The following MELTF variants were observed in gnomAD, a reference collection of about 807,000 sequenced individuals.
MELTF encodes the protein melanotransferrin.
Under a neutral mutation model 83.7 loss-of-function variants are expected in MELTF, and 67 were observed. The observed-to-expected ratio is 0.80, with a 90% CI of 0.66 to 0.98. The LOEUF is 0.98. Ranked by LOEUF, MELTF falls within the 50% of genes least tolerant of loss-of-function variation. MELTF has a pLI of 0.00. For missense variants in MELTF, 1,002 were observed against 1,035.6 expected (o/e 0.97, Z 0.44); for synonymous variants, 462 against 447.6 (o/e 1.03, Z -0.41).
Position 197,029,560 on chromosome 3 carries a change from G to T in MELTF, c.49+94C>A. 9.4e-7 allele frequency: 1 copy of T among 1,065,592 alleles called. No homozygotes were observed. Among genetic ancestry groups the T allele is most frequent in the South Asian group, 4.6e-5 (1 of 21,682 alleles). 66.0% of individuals were successfully genotyped at this position (1,065,592 alleles called of 1,614,324 possible). A position where few individuals can be genotyped will look rare whatever the true frequency, so the allele number is the denominator to read the frequency against. On this transcript the variant is annotated intron_variant, in intron 1 of 15. Transcript: ENST00000296350. This position sits in a 1 kb window ranked among gnomAD's most constrained non-coding sequence, Gnocchi z 6.5. Reference sequence around the variant, plus strand: ...CCCGTCTCACTGCCCCGGAGCCGCAGGCTCAGGCACATTTCCAGCCCCGGG... The same window carrying T: ...CCCGTCTCACTGCCCCGGAGCCGCATGCTCAGGCACATTTCCAGCCCCGGG...
chr3:197,027,750 A>T lies in MELTF; in HGVS notation c.204+6T>A, dbSNP rs767533620. On this transcript the variant is annotated splice_donor_region_variant and intron_variant, in intron 2 of 15. Transcript: ENST00000296350. ...TGTCTGGCAGGGTGGAAGGGAGAGG[A>T]CTCACCGCGATGAGCTGGACGCAGT... 1 of 1,603,012 alleles carries T rather than the reference A, an allele frequency of 6.2e-7. No individual in the cohort carries two copies. Among genetic ancestry groups the T allele is most frequent in the Non-Finnish European group, 8.5e-7 (1 of 1,173,488 alleles).
At chr3:197,014,417 C>A (rs1051945449) in intron 9 of MELTF, among the ~76,000 whole-genome samples, 2 of 118,830 alleles carry the variant, frequency 1.7e-5, no homozygotes, top group South Asian at 2.9e-4. Flanking sequence ...GAGACAGTCT[C>A]TCTCTTGTCG....
In MELTF at chr3:197,022,145, C is replaced by G. The variant is rs1719648341; in HGVS notation, c.645-674G>C. ...TGACTTTTACACGATCTGCTGATGT[C>G]ACTGCCCAGTGTTGGAGGCAGGTCA... On this transcript the variant is annotated intron_variant, in intron 5 of 15. Coordinates refer to ENST00000296350, the MANE Select transcript of MELTF (RefSeq NM_005929.6). The surrounding 1 kb of genome is among the most constrained non-coding windows in gnomAD (Gnocchi z 5.1). Among the ~76,000 whole-genome samples, 1 of 152,206 alleles carries G rather than the reference C, an allele frequency of 6.6e-6. No individual in the cohort carries two copies. The highest frequency in any genetic ancestry group is 1.5e-5 in the Non-Finnish European group (1 of 68,036).
chr3:197,010,177 G>C lies in MELTF; in HGVS notation c.1331-365C>G, dbSNP rs1019368726. On this transcript the variant is annotated intron_variant, in intron 10 of 15. Transcript: ENST00000296350. ...AGCATTTTCCTACAGCCCAGAGATTGCTCACACCCAGGTGGAAGGGACCCA... is the reference window on the plus strand; with the variant it reads ...AGCATTTTCCTACAGCCCAGAGATTCCTCACACCCAGGTGGAAGGGACCCA... Among the ~76,000 whole-genome samples, 78 of 152,258 alleles carry C rather than the reference G, an allele frequency of 5.1e-4. 1 individual carries two copies. The highest frequency in any genetic ancestry group is 1.9e-3 in the African/African-American group (78 of 41,478).
At position 197,010,707 on chromosome 3, in the gene MELTF, G is replaced by A; in HGVS notation, c.1321C>T (p.His441Tyr). 1.9e-6 allele frequency: 3 copies of A among 1,612,946 alleles called. No homozygotes were observed. Among genetic ancestry groups the A allele is most frequent in the Non-Finnish European group, 1.7e-6 (2 of 1,179,784 alleles). ...TYGLVPAAGE[H>Y]YAPEDSSNSY... is the part of the protein sequence containing the mutation. ...CAGGCCCTGCACTCACGGGCATAGT[G>A]CTCCCCGGCTGCGGGAACCAGGCCG... The change falls in exon 10 of 16, where the codon CAC becomes TAC. Residue 441 changes from histidine to tyrosine, a missense_variant. Transcript: ENST00000296350.
chr3:197,020,829 C>T (rs1256403131), intron 6 of MELTF, among the ~76,000 whole-genome samples: 4 of 152,194 alleles, frequency 2.6e-5, no homozygotes, highest in South Asian at 2.1e-4. Context: ...CCACCACGCT[C>T]GGCTAGTTTT....
intron 8 of MELTF, 106 bp from the exon 9 acceptor site, chr3:197,015,622 G>T: frequency 1.6e-6 from 2 of 1,266,550 alleles, no homozygotes; most frequent in South Asian, 1.5e-5. Flanking sequence ...CAGGTGTGTG[G>T]CTGGGATAAG....
At chr3:197,019,717 A>G in intron 6 of MELTF, 7 of 1,613,792 alleles carry the variant, frequency 4.3e-6, no homozygotes, top group Non-Finnish European at 5.1e-6. Flanking sequence ...ACTAGAGCGC[A>G]TCGTCCTACG....
In MELTF at chr3:197,022,943, C is replaced by G. The variant is rs781435589; in HGVS notation, c.644+14G>C. ...TCCCTGCCCTCGGCCCCTCCCTGCC[C>G]CCACTCCGCTCACCGGAAGGCCCCG... is the stretch of plus-strand genomic sequence containing the variant. On this transcript the variant is annotated intron_variant, in intron 5 of 15. Transcript: ENST00000296350. The surrounding 1 kb of genome is among the most constrained non-coding windows in gnomAD (Gnocchi z 5.1). The G allele has an allele frequency of 6.2e-7, 1 of 1,600,338 alleles. No homozygotes were observed. The highest frequency in any genetic ancestry group is 8.5e-7 in the Non-Finnish European group (1 of 1,174,210).
At chr3:197,017,606 G>GCA (rs1719434512) in intron 6 of MELTF, among the ~76,000 whole-genome samples, 8 of 152,224 alleles carry the variant, frequency 5.3e-5, no homozygotes, top group Non-Finnish European at 8.8e-5. Flanking sequence ...GGCCGGGCGT[G>GCA]GTGGCTCACG....
In MELTF at chr3:197,011,027, G is replaced by A. The variant is rs996825797; in HGVS notation, c.1234-233C>T. Among the ~76,000 whole-genome samples the A allele has an allele frequency of 6.6e-6, 1 of 152,150 alleles. No individual in the cohort carries two copies. Among genetic ancestry groups the A allele is most frequent in the Non-Finnish European group, 1.5e-5 (1 of 68,012 alleles). On this transcript the variant is annotated intron_variant, in intron 9 of 15. Transcript: ENST00000296350. The surrounding 1 kb of genome is among the most constrained non-coding windows in gnomAD (Gnocchi z 4.2). ...AGGACCAAGGGGCAGAAACACCCACGCAGCACTCCTGCGCGTGGCCACCCA... is the reference window on the plus strand; with the variant it reads ...AGGACCAAGGGGCAGAAACACCCACACAGCACTCCTGCGCGTGGCCACCCA...
rs865950809 is a variant in MELTF, at chr3:197,022,934, C to T, written c.644+23G>A. The T allele has an allele frequency of 1.3e-6, 2 of 1,589,884 alleles. No homozygotes were observed. The highest frequency in any genetic ancestry group is 2.0e-4 in the Middle Eastern group (1 of 5,102). On this transcript the variant is annotated intron_variant, in intron 5 of 15. Transcript: ENST00000296350. This position sits in a 1 kb window ranked among gnomAD's most constrained non-coding sequence, Gnocchi z 5.1. ...CTCAGCTCCTCCCTGCCCTCGGCCC[C>T]TCCCTGCCCCCACTCCGCTCACCGG...
Position 197,009,728 on chromosome 3 carries a change from C to A in MELTF, c.1415G>T (p.Gly472Val). Reference sequence around the variant, plus strand: ...GAAACCGGCGTGGCAGGAGCGCTTGCCCCGAAGCTCATCCAAGGTGAAGGC... The same window carrying A: ...GAAACCGGCGTGGCAGGAGCGCTTGACCCGAAGCTCATCCAAGGTGAAGGC... ...SHAFTLDELR[G>V]KRSCHAGFGS... is the part of the protein sequence containing the mutation. The change falls in exon 11 of 16, where the codon GGC (glycine) becomes GTC (valine). Residue 472 changes from glycine to valine, a missense_variant. Gly to Val is a moderately radical substitution (Grantham distance 109). Coordinates refer to ENST00000296350, the MANE Select transcript of MELTF (RefSeq NM_005929.6). 2 of 1,613,642 alleles carry A rather than the reference C, an allele frequency of 1.2e-6. No individual in the cohort carries two copies. Among genetic ancestry groups the A allele is most frequent in the Non-Finnish European group, 1.7e-6 (2 of 1,180,030 alleles).
At chr3:197,026,285 T>C in intron 3 of MELTF, 1 of 208,974 alleles carries the variant, frequency 4.8e-6, no homozygotes, top group East Asian at 1.1e-4. Flanking sequence ...GAGCCGGGCT[T>C]CTGAAGGGAG....
intron 2 of MELTF, 91 bp downstream of exon 2, chr3:197,027,665 G>T: frequency 6.9e-7 from 1 of 1,440,106 alleles, no homozygotes; most frequent in Non-Finnish European, 9.4e-7. Flanking sequence ...GCAGGGCGAG[G>T]TCGGCTCCTT....
chr3:197,019,952 GC>G, intron 6 of MELTF: 1 of 1,168,366 alleles, frequency 8.6e-7, no homozygotes, highest in East Asian at 2.6e-5. Context: ...ACTAGCAGGG[GC>G]CTGAGGAACT....
In MELTF at chr3:197,022,787, G is replaced by A. The variant is rs746594182; in HGVS notation, c.644+170C>T. On this transcript the variant is annotated intron_variant, in intron 5 of 15. Coordinates refer to ENST00000296350, the MANE Select transcript of MELTF (RefSeq NM_005929.6). This position sits in a 1 kb window ranked among gnomAD's most constrained non-coding sequence, Gnocchi z 5.1. ...CCGGTTTGGCATATTCCAGCTGGAT[G>A]TTTTTAAACTAACCAGGGCACAGAA... Among the ~76,000 whole-genome samples, 13 of 152,232 alleles carry A rather than the reference G, an allele frequency of 8.5e-5. No homozygotes were observed. The highest frequency in any genetic ancestry group is 2.0e-4 in the Admixed American group (3 of 15,284).
Position 197,029,539 on chromosome 3 carries a change from T to C in MELTF, c.49+115A>G. 1.2e-6 allele frequency: 1 copy of C among 844,476 alleles called. No homozygotes were observed. The allele number at this position is 844,476 out of a possible 1,614,324, so 52.3% of individuals were successfully genotyped here. ...CGACCCCGAGCCCCTGCCTCCCCCG[T>C]CTCACTGCCCCGGAGCCGCAGGCTC... is the stretch of plus-strand genomic sequence containing the variant. On this transcript the variant is annotated intron_variant, in intron 1 of 15. Coordinates refer to ENST00000296350, the MANE Select transcript of MELTF (RefSeq NM_005929.6). This position sits in a 1 kb window ranked among gnomAD's most constrained non-coding sequence, Gnocchi z 6.5.
chr3:197,003,764 G>C lies in MELTF; in HGVS notation c.2137+137C>G. 1.3e-6 allele frequency: 1 copy of C among 795,264 alleles called. No homozygotes were observed. The highest frequency in any genetic ancestry group is 1.8e-6 in the Non-Finnish European group (1 of 541,802). 49.3% of individuals were successfully genotyped at this position (795,264 alleles called of 1,614,324 possible). On this transcript the variant is annotated intron_variant, in intron 15 of 15. Coordinates refer to ENST00000296350, the MANE Select transcript of MELTF (RefSeq NM_005929.6). The surrounding 1 kb of genome is among the most constrained non-coding windows in gnomAD (Gnocchi z 6.2). ...GCAGCCTCCTGGCCAAAATCCTCCC[G>C]GGACACCCCACCTGGACTGCTGCGA... is the stretch of plus-strand genomic sequence containing the variant.
Sources: allele counts gnomAD v4.1 joint callset (sites outside exome capture counted in the v4.1 genomes callset), GRCh38; gene constraint gnomAD v4.1.1; non-coding constraint Gnocchi (gnomAD v3.1); transcripts MANE v1.5; gene names NCBI Gene and HGNC (gene_info 2026-07-23, HGNC 2026-07-21).